Variants in NDUFAF5 observed in about 807,000 individuals in gnomAD.
NDUFAF5 encodes arginine-hydroxylase NDUFAF5, mitochondrial.
In NDUFAF5, 34 loss-of-function variants were observed where a neutral mutation model predicts 48.9. The ratio of observed to expected loss-of-function variants is 0.70; its 90% CI spans 0.53 to 0.93. The LOEUF (loss-of-function observed/expected upper bound fraction) is 0.93. NDUFAF5 is among the 40% of genes least tolerant of loss of function. The pLI is 0.00. For missense variants in NDUFAF5, 428 were observed against 427.5 expected (o/e 1.00, Z -0.01); for synonymous variants, 153 against 150.6 (o/e 1.02, Z -0.12).
At chr20:13,803,534 C>G (rs1409423458) in intron 7 of NDUFAF5, 1 of 152,148 alleles carries the variant, frequency 6.6e-6, no homozygotes, top group African/African-American at 2.4e-5. Context: ...CCCCCTTAAT[C>G]CTAAAAATGC....
intron 7 of NDUFAF5, 98 bp from the exon 8 acceptor site, chr20:13,808,744 A>G (rs1390060258): frequency 2.7e-6 from 2 of 741,900 alleles, no homozygotes; most frequent in Non-Finnish European, 4.7e-6. Flanking sequence ...TTTGCTTAGC[A>G]TGGGAGATTG....
At position 13,787,293 on chromosome 20, in the gene NDUFAF5, G is replaced by A. The variant is rs779002867; in HGVS notation, c.223-19G>A. On this transcript the variant is annotated intron_variant, in intron 1 of 10. Transcript: ENST00000378106. ...GAGTGTTACTTCCCCGTTAACCTAC[G>A]CCTCGTGTAATCCTTCAGGTTGGAA... The A allele has an allele frequency of 2.5e-6, 4 of 1,613,686 alleles. No homozygotes were observed. The highest frequency in any genetic ancestry group is 1.6e-4 in the Middle Eastern group (1 of 6,062).
In NDUFAF5 at chr20:13,785,295, G is replaced by A; in HGVS notation, c.222+5G>A. The A allele has an allele frequency of 6.3e-7, 1 of 1,591,212 alleles. No homozygotes were observed. The highest frequency in any genetic ancestry group is 8.6e-7 in the Non-Finnish European group (1 of 1,166,394). The stretch of plus-strand genomic sequence containing the variant: ...TTTGACTACCTGAAGGAGGAGGTGA[G>A]CCCGCGGGGCGGCGGGGCGGCGGGG... On this transcript the variant is annotated splice_donor_5th_base_variant and intron_variant, in intron 1 of 10. Transcript: ENST00000378106.
At position 13,794,819 on chromosome 20, in the gene NDUFAF5, T is replaced by C. The variant is rs1256443444; in HGVS notation, c.376-19T>C. 7.0e-7 allele frequency: 1 copy of C among 1,418,554 alleles called. No homozygotes were observed. The highest frequency in any genetic ancestry group is 1.4e-5 in the African/African-American group (1 of 71,070). 87.9% of individuals were successfully genotyped at this position (1,418,554 alleles called of 1,614,324 possible). A position where few individuals can be genotyped will look rare whatever the true frequency, so the allele number is the denominator to read the frequency against. ...TTCTACATAAATGTGATTTTGATCT[T>C]TCGTTTTCTTAACATTAGAAAAATT... On this transcript the variant is annotated intron_variant, in intron 4 of 10. Transcript: ENST00000378106.
intron 4 of NDUFAF5, 73 bp from the exon 5 acceptor site, chr20:13,794,765 A>G (rs1982905841): frequency 5.2e-6 from 5 of 964,596 alleles, no homozygotes; most frequent in Non-Finnish European, 8.2e-6. Flanking sequence ...CTTCAATTTA[A>G]CAAACAGTGA....
At chr20:13,810,236 A>G (rs1985676752) in intron 8 of NDUFAF5, among the ~76,000 whole-genome samples, 1 of 152,230 alleles carries the variant, frequency 6.6e-6, no homozygotes, top group Non-Finnish European at 1.5e-5. Flanking sequence ...CTGAGCCTAC[A>G]AAGAGACTGA....
chr20:13,788,064 T>C (rs1215362771), intron 2 of NDUFAF5, among the ~76,000 whole-genome samples: 1 of 152,182 alleles, frequency 6.6e-6, no homozygotes, highest in South Asian at 2.1e-4. Context: ...TGGTTTGACT[T>C]ACTTAGCTTC....
At chr20:13,798,794 A>G (rs779940492) in intron 6 of NDUFAF5, among the ~76,000 whole-genome samples, 1 of 152,200 alleles carries the variant, frequency 6.6e-6, no homozygotes, top group Non-Finnish European at 1.5e-5. Flanking sequence ...ATTTCTTCTT[A>G]CCCTTAGTTG....
intron 3 of NDUFAF5, among the ~76,000 whole-genome samples, chr20:13,790,946 C>T (rs1982184746): frequency 6.6e-6 from 1 of 152,208 alleles, no homozygotes; most frequent in Non-Finnish European, 1.5e-5. Context: ...TTACAAGCTC[C>T]TGATGTATGT....
intron 6 of NDUFAF5, among the ~76,000 whole-genome samples, chr20:13,799,266 T>G (rs1983732828): frequency 6.6e-6 from 1 of 152,158 alleles, no homozygotes; most frequent in Non-Finnish European, 1.5e-5. Context: ...AAGAGGAAAA[T>G]GACATCATTA....
chr20:13,818,247 A>T lies in NDUFAF5; in HGVS notation c.*1037A>T, dbSNP rs1986723333. ...ATAGTAGATATTCAGTTACATTTTG[A>T]ACTAATTATATAACAAACTTGCCCT... On this transcript the variant is annotated 3_prime_UTR_variant, in exon 11 of 11. Transcript: ENST00000378106. The T allele has an allele frequency of 2.2e-6, 1 of 454,054 alleles. No homozygotes were observed. The highest frequency in any genetic ancestry group is 2.0e-5 in the African/African-American group (1 of 50,108). 28.1% of individuals were successfully genotyped at this position (454,054 alleles called of 1,614,324 possible).
intron 7 of NDUFAF5, among the ~76,000 whole-genome samples, chr20:13,808,517 T>C (rs1216427846): frequency 6.6e-6 from 1 of 152,162 alleles, no homozygotes. Context: ...TCCAGATTTT[T>C]GTGTCCTGAA....
intron 7 of NDUFAF5, among the ~76,000 whole-genome samples, chr20:13,806,331 C>A (rs1289035534): frequency 2.6e-5 from 4 of 152,178 alleles, no homozygotes; most frequent in African/African-American, 7.2e-5. Context: ...CACAGTGAAA[C>A]CCCGTCTCTG....
chr20:13,809,119 A>G (rs886554260), intron 8 of NDUFAF5: 3 of 570,292 alleles, frequency 5.3e-6, no homozygotes, highest in Admixed American at 6.1e-5. Flanking sequence ...TGTCACAGAG[A>G]TAAGTGTTAA....
chr20:13,809,941 T>C (rs116926882), intron 8 of NDUFAF5, among the ~76,000 whole-genome samples: 2,541 of 152,270 alleles, frequency 0.017, 20 homozygotes, highest in Non-Finnish European at 0.024. Context: ...GTGTCCTTCA[T>C]TGATAGAAGA....
In NDUFAF5 at chr20:13,787,377, A is replaced by G. The variant is rs747102478; in HGVS notation, c.263+25A>G. The stretch of plus-strand genomic sequence containing the variant: ...GGTAAGTGGTGGTGATCATAATACA[A>G]TACCATCAACTTTTGAGTGGAAATT... On this transcript the variant is annotated intron_variant, in intron 2 of 10. Transcript: ENST00000378106. The G allele has an allele frequency of 6.2e-6, 10 of 1,608,216 alleles. No individual in the cohort carries two copies. In the South Asian group the frequency reaches 8.8e-5, roughly 14 times the overall value.
chr20:13,814,057 C>T, intron 8 of NDUFAF5: 1 of 214,942 alleles, frequency 4.7e-6, no homozygotes, highest in South Asian at 6.9e-5. Flanking sequence ...CATGGTTAAT[C>T]TGTTTGTTTG....
At chr20:13,801,866 G>A in intron 7 of NDUFAF5, 183 bp downstream of exon 7, 1 of 581,340 alleles carries the variant, frequency 1.7e-6, no homozygotes, top group South Asian at 2.1e-5. Flanking sequence ...CATCTTAATT[G>A]ACACAAGGTA....
intron 8 of NDUFAF5, among the ~76,000 whole-genome samples, chr20:13,810,825 A>G (rs990533401): frequency 9.9e-5 from 15 of 152,154 alleles, no homozygotes; most frequent in Non-Finnish European, 2.2e-4. Context: ...AAGAGGTAGC[A>G]CCAAAGGATG....
Sources: gnomAD v4.1 joint callset for allele counts (sites outside exome capture counted in the v4.1 genomes callset) on GRCh38, gnomAD v4.1.1 for gene constraint, MANE v1.5 for transcripts, NCBI Gene and HGNC (gene_info 2026-07-23, HGNC 2026-07-21) for gene names.